TANK: variants seen among roughly 807,000 people sequenced by gnomAD.
TANK encodes TRAF family member associated NFKB activator.
A neutral mutation model predicts 43.6 loss-of-function variants in TANK; 15 were observed. The observed-to-expected ratio is 0.34, with a 90% CI of 0.23 to 0.53. The LOEUF (loss-of-function observed/expected upper bound fraction) is 0.53. Ranked by LOEUF, TANK falls within the 20% of genes least tolerant of loss-of-function variation. The pLI is 0.94. For synonymous variants in TANK, 162 were observed against 178.2 expected (o/e 0.91, Z 0.73); for missense variants, 417 against 498.6 (o/e 0.84, Z 1.56).
intron 4 of TANK, among the ~76,000 whole-genome samples, chr2:161,213,578 G>A (rs1686987329): frequency 6.7e-6 from 1 of 150,052 alleles, no homozygotes; most frequent in African/African-American, 2.5e-5. Context: ...CTCCAGCCTG[G>A]GCAAGCGTGA....
intron 2 of TANK, among the ~76,000 whole-genome samples, chr2:161,182,094 TC>T (rs1005252111): frequency 1.3e-5 from 2 of 151,986 alleles, no homozygotes; most frequent in African/African-American, 2.4e-5. Context: ...ATTTTTTTTT[TC>T]CATTCAGGTT....
chr2:161,173,861 A>G (rs1685063410), intron 1 of TANK, among the ~76,000 whole-genome samples: 2 of 152,140 alleles, frequency 1.3e-5, no homozygotes, highest in Non-Finnish European at 2.9e-5. Flanking sequence ...CCCACAAAAC[A>G]GTGGTTAAAC....
chr2:161,208,104 A>G (rs1686727016), intron 4 of TANK: 1 of 958,402 alleles, frequency 1.0e-6, no homozygotes, highest in Non-Finnish European at 1.2e-6. Context: ...TTTTCTTTAG[A>G]CAATTTGTTT....
At position 161,231,352 on chromosome 2, in the gene TANK, A is replaced by G. The variant is rs55952523; in HGVS notation, c.902A>G (p.Gln301Arg). 995 of 1,614,118 alleles carry G rather than the reference A, an allele frequency of 6.2e-4. No individual in the cohort carries two copies. The highest frequency in any genetic ancestry group is 8.0e-4 in the Non-Finnish European group (940 of 1,180,044). ...ATTGACCCCATAGCTTCAGCTATAC[A>G]AAACCTTAAAACAACTGACAAAACA... ...QGIDPIASAIQNLKTTDKTKP... is the reference protein window; with the variant it reads ...QGIDPIASAIRNLKTTDKTKP... Residue 301 changes from glutamine (Q) to arginine (R), a missense_variant, in exon 7 of 8, where the codon CAA (glutamine) becomes CGA (arginine). Gln to Arg is a conservative substitution (Grantham distance 43). Transcript: ENST00000392749.
At chr2:161,232,886 A>T (rs987864460) in intron 7 of TANK, 2 of 1,540,816 alleles carry the variant, frequency 1.3e-6, no homozygotes. Flanking sequence ...GTCACAAGAC[A>T]TGGGGCATAA....
chr2:161,200,376 G>A, intron 2 of TANK: 2 of 984,466 alleles, frequency 2.0e-6, no homozygotes, highest in Non-Finnish European at 2.4e-6. Context: ...TTAAGTTTAG[G>A]CAGATATGTT....
intron 1 of TANK, among the ~76,000 whole-genome samples, chr2:161,173,775 C>G (rs1685058330): frequency 6.6e-6 from 1 of 152,082 alleles, no homozygotes; most frequent in Non-Finnish European, 1.5e-5. Context: ...AAAAGGAGTG[C>G]CTATTGTGTG....
intron 1 of TANK, among the ~76,000 whole-genome samples, chr2:161,177,185 G>A (rs1439109687): frequency 1.3e-5 from 2 of 152,096 alleles, no homozygotes; most frequent in Admixed American, 1.3e-4. Flanking sequence ...TCTATCAGAG[G>A]TAGCAGTAGA....
intron 1 of TANK, among the ~76,000 whole-genome samples, chr2:161,147,886 G>T (rs1418665411): frequency 6.6e-6 from 1 of 152,056 alleles, no homozygotes; most frequent in East Asian, 1.9e-4. Context: ...TCTATTATAT[G>T]TATATACCAC....
At chr2:161,194,312 T>C (rs1446061614) in intron 2 of TANK, among the ~76,000 whole-genome samples, 1 of 152,032 alleles carries the variant, frequency 6.6e-6, no homozygotes, top group African/African-American at 2.4e-5. Context: ...ATGGAATTTT[T>C]CTCTTCTTGC....
intron 4 of TANK, among the ~76,000 whole-genome samples, chr2:161,208,517 A>C (rs969076940): frequency 6.6e-6 from 1 of 152,184 alleles, no homozygotes; most frequent in Non-Finnish European, 1.5e-5. Flanking sequence ...ATATTATTCC[A>C]GACTTACCCC....
intron 2 of TANK, among the ~76,000 whole-genome samples, chr2:161,181,439 CAAAAA>C: frequency 6.6e-6 from 1 of 151,026 alleles, no homozygotes; most frequent in Admixed American, 6.6e-5. Context: ...ACAACAACAA[CAAAAA>C]AAAACTACCT....
intron 6 of TANK, among the ~76,000 whole-genome samples, chr2:161,229,236 A>G (rs762378036): frequency 2.6e-5 from 4 of 152,240 alleles, no homozygotes; most frequent in Non-Finnish European, 4.4e-5. Flanking sequence ...TTGGAGAACT[A>G]TACAAAGTTC....
intron 1 of TANK, among the ~76,000 whole-genome samples, chr2:161,149,814 C>A (rs540986854): frequency 6.6e-6 from 1 of 151,518 alleles, no homozygotes; most frequent in Non-Finnish European, 1.5e-5. Flanking sequence ...TTGAACCACC[C>A]TTGCGTTACA....
chr2:161,143,241 C>G (rs989297945), intron 1 of TANK, among the ~76,000 whole-genome samples: 5 of 152,098 alleles, frequency 3.3e-5, no homozygotes, highest in African/African-American at 1.2e-4. Flanking sequence ...ATGGGGTTTT[C>G]TAAATATAGA....
intron 5 of TANK, among the ~76,000 whole-genome samples, chr2:161,224,231 A>G (rs1410098771): frequency 6.6e-6 from 1 of 151,970 alleles, no homozygotes; most frequent in Non-Finnish European, 1.5e-5. Context: ...ACCAAGTGTT[A>G]AGGTCGTATT....
At chr2:161,195,703 A>G (rs2105329483) in intron 2 of TANK, among the ~76,000 whole-genome samples, 1 of 152,312 alleles carries the variant, frequency 6.6e-6, no homozygotes, top group African/African-American at 2.4e-5. Context: ...CAAAGAACAC[A>G]GTGGCTACTA....
intron 2 of TANK, among the ~76,000 whole-genome samples, chr2:161,189,036 T>A (rs1384575412): frequency 1.3e-5 from 2 of 152,210 alleles, no homozygotes; most frequent in African/African-American, 2.4e-5. Context: ...TCCAGAACTG[T>A]GAAGAAATAA....
chr2:161,231,251 G>T lies in TANK; in HGVS notation c.801G>T (p.Glu267Asp). The stretch of plus-strand genomic sequence containing the variant: ...CCACGTCTGAGGCAGTGTGCCAAGA[G>T]AAATTTAATATGGAGTTCAGAGACA... ...SPATSEAVCQ[E>D]KFNMEFRDNP... The change falls in exon 7 of 8, where the codon GAG becomes GAT. Residue 267 changes from glutamate (E) to aspartate (D), a missense_variant. Physicochemically the swap from Glu to Asp is conservative, Grantham distance 45. Transcript: ENST00000392749. The T allele has an allele frequency of 6.2e-7, 1 of 1,613,976 alleles. No individual in the cohort carries two copies. The highest frequency in any genetic ancestry group is 1.1e-5 in the South Asian group (1 of 91,080).
Sources: allele counts gnomAD v4.1 joint callset (sites outside exome capture counted in the v4.1 genomes callset), GRCh38; gene constraint gnomAD v4.1.1; transcripts MANE v1.5; gene names NCBI Gene and HGNC (gene_info 2026-07-23, HGNC 2026-07-21).